The following MEGF6 variants were observed in gnomAD, a reference collection of about 807,000 sequenced individuals.
The protein encoded by MEGF6 is multiple epidermal growth factor-like domains protein 6.
In MEGF6, 184 loss-of-function variants were observed where a neutral mutation model predicts 207.1. The ratio of observed to expected loss-of-function variants is 0.89; its 90% CI spans 0.79 to 1.00. The LOEUF is 1.00. Among genes scored for constraint, MEGF6 ranks in the 50% least tolerant of loss-of-function variants. The probability of loss-of-function intolerance (pLI) is 0.00; values close to 1 mark genes in which losing one functional copy is unlikely to be tolerated. For synonymous variants in MEGF6, 1,038 were observed against 910.0 expected (o/e 1.14, Z -2.53); for missense variants, 2,282 against 2,202.9 (o/e 1.04, Z -0.72).
chr1:3,490,448 G>C lies in MEGF6; in HGVS notation c.*80C>G. On this transcript the variant is annotated 3_prime_UTR_variant, in exon 37 of 37. Coordinates refer to ENST00000356575, the MANE Select transcript of MEGF6 (RefSeq NM_001409.4). ...GTACCAGGAGCTCTGGGCCCGTGAA[G>C]TGTCCTTCTCAGTGGTCACCAAAGG... The C allele has an allele frequency of 6.7e-7, 1 of 1,494,238 alleles. No homozygotes were observed. Among genetic ancestry groups the C allele is most frequent in the Non-Finnish European group, 9.2e-7 (1 of 1,083,590 alleles). 92.6% of individuals were successfully genotyped at this position (1,494,238 alleles called of 1,614,324 possible).
chr1:3,509,283 C>T, intron 11 of MEGF6, 38 bp from the exon 12 acceptor site: 2 of 1,394,064 alleles, frequency 1.4e-6, no homozygotes, highest in Non-Finnish European at 1.9e-6. Context: ...CCCTGCCACC[C>T]ACCTGCCTGC....
chr1:3,582,653 G>A (rs561559650), intron 3 of MEGF6, among the ~76,000 whole-genome samples: 55 of 152,140 alleles, frequency 3.6e-4, no homozygotes, highest in Middle Eastern at 3.4e-3. Flanking sequence ...AAAACACCGC[G>A]GCCCCCAGAT....
At chr1:3,541,086 C>T (rs1389248431) in intron 4 of MEGF6, among the ~76,000 whole-genome samples, 2 of 152,192 alleles carry the variant, frequency 1.3e-5, no homozygotes, top group East Asian at 1.9e-4. Context: ...GGGCCCTGGA[C>T]TTCAAAGGGC....
At chr1:3,601,752 T>C (rs958348892) in intron 2 of MEGF6, among the ~76,000 whole-genome samples, 4 of 152,210 alleles carry the variant, frequency 2.6e-5, no homozygotes, top group African/African-American at 9.6e-5. Flanking sequence ...CAAACACACA[T>C]TGACCAGAAA....
chr1:3,528,026 G>C (rs866667149), intron 4 of MEGF6, among the ~76,000 whole-genome samples: 16 of 152,244 alleles, frequency 1.1e-4, no homozygotes, highest in African/African-American at 3.4e-4. Context: ...GACAGGGCCT[G>C]GGTGGGGGTG....
At chr1:3,615,291 A>T (rs940543710), upstream of MEGF6, among the ~76,000 whole-genome samples, 4 of 152,188 alleles carry the variant, frequency 2.6e-5, no homozygotes, top group African/African-American at 9.7e-5. Flanking sequence ...CAAAGGAGAG[A>T]AAGGGCGGCT....
At chr1:3,586,668 C>T (rs898919423) in intron 3 of MEGF6, among the ~76,000 whole-genome samples, 6 of 152,102 alleles carry the variant, frequency 3.9e-5, no homozygotes, top group South Asian at 2.1e-4. Flanking sequence ...GGCTGGCATG[C>T]GGCCCGAACG....
rs372694166 is a variant in MEGF6, at chr1:3,499,285, G to A, written c.2966-19C>T. 44 of 1,595,404 alleles carry A rather than the reference G, an allele frequency of 2.8e-5. No individual in the cohort carries two copies. Among genetic ancestry groups the A allele is most frequent in the Non-Finnish European group, 3.2e-5 (38 of 1,171,454 alleles). On this transcript the variant is annotated intron_variant, in intron 23 of 36. Coordinates refer to ENST00000356575, the MANE Select transcript of MEGF6 (RefSeq NM_001409.4). The stretch of plus-strand genomic sequence containing the variant: ...GGGCAGGCTGCAGGTGGAGAGGGCT[G>A]GTCAGAGCCAGGGGTGGGCAGGACC...
At chr1:3,518,583 G>A (rs1483638962) in intron 5 of MEGF6, among the ~76,000 whole-genome samples, 6 of 152,252 alleles carry the variant, frequency 3.9e-5, no homozygotes, top group Non-Finnish European at 7.3e-5. Context: ...CCGAGGCAGG[G>A]GCTGGACACA....
intron 5 of MEGF6, among the ~76,000 whole-genome samples, chr1:3,521,451 C>G (rs137863845): frequency 0.013 from 1,963 of 152,304 alleles, 17 homozygotes; most frequent in Non-Finnish European, 0.019. Context: ...GGAGACCCCC[C>G]ACAGGGCAGC....
At position 3,559,769 on chromosome 1, in the gene MEGF6, C is replaced by T. The variant is rs192036268; in HGVS notation, c.481+20056G>A. ...GCTCAAGCCTGTAATCCCAACACTT[C>T]GGGAGGCCGAGGCGGGCAAATCACG... is the stretch of plus-strand genomic sequence containing the variant. On this transcript the variant is annotated intron_variant, in intron 4 of 36. Coordinates refer to ENST00000356575, the MANE Select transcript of MEGF6 (RefSeq NM_001409.4). Among the ~76,000 whole-genome samples the T allele has an allele frequency of 2.3e-3, 349 of 152,164 alleles. 1 individual carries two copies. The highest frequency in any genetic ancestry group is 7.9e-3 in the African/African-American group (329 of 41,546).
intron 4 of MEGF6, among the ~76,000 whole-genome samples, chr1:3,536,343 C>CA (rs1642327922): frequency 6.6e-6 from 1 of 152,086 alleles, no homozygotes; most frequent in South Asian, 2.1e-4. Context: ...CTCTGGGGTA[C>CA]GGGGGCATCG....
intron 5 of MEGF6, among the ~76,000 whole-genome samples, chr1:3,518,266 G>T (rs1366271539): frequency 6.6e-6 from 1 of 152,130 alleles, no homozygotes; most frequent in East Asian, 1.9e-4. Context: ...CATTATGGCA[G>T]CCAGAGCTGC....
At chr1:3,576,364 C>T (rs566262075) in intron 4 of MEGF6, among the ~76,000 whole-genome samples, 1 of 152,340 alleles carries the variant, frequency 6.6e-6, no homozygotes, top group Admixed American at 6.5e-5. Flanking sequence ...GGGCTCCTTC[C>T]CCCCACTGCC....
At chr1:3,546,156 G>T (rs1008806710) in intron 4 of MEGF6, among the ~76,000 whole-genome samples, 1 of 152,170 alleles carries the variant, frequency 6.6e-6, no homozygotes, top group Non-Finnish European at 1.5e-5. Context: ...TGGGAGATGG[G>T]GACAGCTTGG....
chr1:3,490,324 CG>C lies in MEGF6; in HGVS notation c.*203del, dbSNP rs1640300500. 1.7e-6 allele frequency: 1 copy of C among 593,088 alleles called. No homozygotes were observed. The highest frequency in any genetic ancestry group is 2.9e-6 in the Non-Finnish European group (1 of 344,162). 36.7% of individuals were successfully genotyped at this position (593,088 alleles called of 1,614,324 possible). A position where few individuals can be genotyped will look rare whatever the true frequency, so the allele number is the denominator to read the frequency against. On this transcript the variant is annotated 3_prime_UTR_variant, in exon 37 of 37. Coordinates refer to ENST00000356575, the MANE Select transcript of MEGF6 (RefSeq NM_001409.4). ...AGGCCAGGAGGCGCCTCTCTTCCAG[CG>C]GCCATGCGAGGCTTCCCTCCTCAAG...
At chr1:3,595,197 C>T (rs1011269979) in intron 3 of MEGF6, 141 bp downstream of exon 3, 24 of 604,298 alleles carry the variant, frequency 4.0e-5, no homozygotes, top group East Asian at 2.3e-4. Context: ...TGGCAAACGG[C>T]GTTGCTGAGC....
intron 4 of MEGF6, among the ~76,000 whole-genome samples, chr1:3,555,298 C>T (rs752849463): frequency 3.9e-5 from 6 of 152,134 alleles, no homozygotes; most frequent in South Asian, 2.1e-4. Flanking sequence ...CCTCCACCCA[C>T]GCTCAGCTGG....
rs912757323 is a variant in MEGF6, at chr1:3,586,432, C to T, written c.377-6503G>A. Among the ~76,000 whole-genome samples, 3 of 152,100 alleles carry T rather than the reference C, an allele frequency of 2.0e-5. 1 individual carries two copies. The highest frequency in any genetic ancestry group is 2.9e-5 in the Non-Finnish European group (2 of 68,010). ...GTGCAAGGCAGTGCATGAGTGAGCTCGTCTGGTGGGCGGCGGGTGCAGATG... is the reference window on the plus strand; with the variant it reads ...GTGCAAGGCAGTGCATGAGTGAGCTTGTCTGGTGGGCGGCGGGTGCAGATG... On this transcript the variant is annotated intron_variant, in intron 3 of 36. Transcript: ENST00000356575.
Sources: gnomAD v4.1 joint callset for allele counts (sites outside exome capture counted in the v4.1 genomes callset) on GRCh38, gnomAD v4.1.1 for gene constraint, MANE v1.5 for transcripts, NCBI Gene and HGNC (gene_info 2026-07-23, HGNC 2026-07-21) for gene names.